Variants in ADAMTSL1 observed in about 807,000 individuals in gnomAD.
The protein encoded by ADAMTSL1 is ADAMTS-like protein 1.
In ADAMTSL1, 126 loss-of-function variants were observed where a neutral mutation model predicts 201.8. The ratio of observed to expected loss-of-function variants is 0.62; its 90% confidence interval spans 0.54 to 0.72. ADAMTSL1 has a LOEUF of 0.72. Among genes scored for constraint, ADAMTSL1 ranks in the 30% least tolerant of loss-of-function variants. ADAMTSL1 has a pLI of 0.00. For synonymous variants in ADAMTSL1, 1,121 were observed against 903.4 expected, an observed-to-expected ratio of 1.24 and a Z score of -4.32; for missense variants, 2,679 against 2,277.8, an observed-to-expected ratio of 1.18 and a Z score of -3.59.
chr9:18,132,190 G>A (rs555557105), intron 1 of ADAMTSL1, among the ~76,000 whole-genome samples: 16 of 152,086 alleles, frequency 1.1e-4, no homozygotes, highest in South Asian at 4.2e-4. Context: ...TGCTGTCCCC[G>A]GGGAAAAAAG....
intron 4 of ADAMTSL1, among the ~76,000 whole-genome samples, chr9:18,580,102 T>C (rs1453053541): frequency 6.6e-6 from 1 of 152,212 alleles, no homozygotes. Flanking sequence ...TGCATATTTA[T>C]AATATTGCTT....
In ADAMTSL1 at chr9:18,289,169, CTAT is replaced by C. The variant is rs1563861575; in HGVS notation, c.207+125189_207+125191del. ...TCTATCTATCTATCTATCTATCTAT[CTAT>C]CTACCTACCTATCTATCTATAGAGA... On this transcript the variant is annotated intron_variant, in intron 2 of 29. Coordinates refer to the ADAMTSL1 transcript ENST00000680146. Among the ~76,000 whole-genome samples, 43 of 106,890 alleles carry C rather than the reference CTAT, an allele frequency of 4.0e-4. 2 individuals are homozygous for C. Among genetic ancestry groups the C allele is most frequent in the East Asian group, 2.0e-3 (9 of 4,598 alleles). The allele number at this position is 106,890 out of a possible 152,430, so 70.1% of individuals were successfully genotyped here. A position where few individuals can be genotyped will look rare whatever the true frequency, so the allele number is the denominator to read the frequency against.
intron 2 of ADAMTSL1, among the ~76,000 whole-genome samples, chr9:18,344,550 A>T (rs1467953998): frequency 6.6e-6 from 1 of 152,180 alleles, no homozygotes; most frequent in Non-Finnish European, 1.5e-5. Context: ...TGAGATTCAC[A>T]AATAGGCTCT....
chr9:18,823,592 CT>C (rs1824348741), intron 21 of ADAMTSL1, among the ~76,000 whole-genome samples: 1 of 152,202 alleles, frequency 6.6e-6, no homozygotes, highest in Non-Finnish European at 1.5e-5. Context: ...TTCTCTCCCC[CT>C]GAGTCTTTGT....
intron 1 of ADAMTSL1, among the ~76,000 whole-genome samples, chr9:17,974,443 A>C (rs1331690751): frequency 6.6e-6 from 1 of 152,050 alleles, no homozygotes; most frequent in Non-Finnish European, 1.5e-5. Context: ...AAATGTAGTC[A>C]CCATGCTGTA....
At chr9:17,953,670 C>T (rs1827821404) in intron 1 of ADAMTSL1, among the ~76,000 whole-genome samples, 2 of 152,142 alleles carry the variant, frequency 1.3e-5, no homozygotes, top group Admixed American at 1.3e-4. Flanking sequence ...AAAGAATAAC[C>T]TTAAAGCTCA....
intron 5 of ADAMTSL1, among the ~76,000 whole-genome samples, chr9:18,629,358 T>C (rs1013173532): frequency 4.6e-5 from 7 of 152,144 alleles, no homozygotes; most frequent in African/African-American, 7.2e-5. Flanking sequence ...TTTCTCACCA[T>C]TGAGTATGAT....
intron 1 of ADAMTSL1, among the ~76,000 whole-genome samples, chr9:17,915,025 G>A (rs1357000181): frequency 1.3e-5 from 2 of 151,946 alleles, no homozygotes; most frequent in African/African-American, 2.4e-5. Context: ...TGCTACTAAG[G>A]ATTTTTATTT....
chr9:18,679,150 C>T (rs1022373377), intron 10 of ADAMTSL1, among the ~76,000 whole-genome samples: 1 of 152,142 alleles, frequency 6.6e-6, no homozygotes, highest in African/African-American at 2.4e-5. Context: ...AGAAATCAAA[C>T]TCACAATGTA....
chr9:18,813,901 G>GA (rs1338293360), intron 20 of ADAMTSL1, among the ~76,000 whole-genome samples: 4 of 152,150 alleles, frequency 2.6e-5, no homozygotes, highest in African/African-American at 9.7e-5. Flanking sequence ...GATCTAAGAG[G>GA]AAAAAATTTC....
chr9:18,308,170 A>C (rs1833980731), intron 2 of ADAMTSL1, among the ~76,000 whole-genome samples: 1 of 152,160 alleles, frequency 6.6e-6, no homozygotes. Flanking sequence ...AATGCACCAG[A>C]ATCTCTGGGA....
chr9:18,433,852 A>G (rs1027114008), intron 2 of ADAMTSL1, among the ~76,000 whole-genome samples: 30 of 152,242 alleles, frequency 2.0e-4, no homozygotes, highest in African/African-American at 6.8e-4. Context: ...ATGTCCTGAC[A>G]TATAGAAAAT....
chr9:17,958,157 C>T (rs533949218), intron 1 of ADAMTSL1, among the ~76,000 whole-genome samples: 3 of 152,290 alleles, frequency 2.0e-5, no homozygotes, highest in African/African-American at 7.2e-5. Flanking sequence ...TCTTTCCATT[C>T]AAACCCTACT....
At chr9:18,188,282 C>T (rs1306884705) in intron 2 of ADAMTSL1, among the ~76,000 whole-genome samples, 7 of 152,156 alleles carry the variant, frequency 4.6e-5, no homozygotes, top group Non-Finnish European at 8.8e-5. Flanking sequence ...CTCAACCCTA[C>T]ACACCGGCAG....
intron 13 of ADAMTSL1, among the ~76,000 whole-genome samples, chr9:18,688,535 G>T (rs1056413772): frequency 6.7e-6 from 1 of 149,736 alleles, no homozygotes; most frequent in Non-Finnish European, 1.5e-5. Context: ...AGGCATGGTG[G>T]TGTGTGCCTA....
intron 13 of ADAMTSL1, among the ~76,000 whole-genome samples, chr9:18,701,895 A>G (rs1330668890): frequency 6.6e-6 from 1 of 152,236 alleles, no homozygotes; most frequent in Non-Finnish European, 1.5e-5. Flanking sequence ...TAATTTTCAC[A>G]TTGTATTACT....
At chr9:18,753,566 G>A (rs991391585) in intron 16 of ADAMTSL1, 58 bp downstream of exon 16, 31 of 1,542,358 alleles carry the variant, frequency 2.0e-5, no homozygotes, top group African/African-American at 9.6e-5. Flanking sequence ...ACTCAAAAAA[G>A]GGATGCTCTC....
chr9:18,508,939 C>A (rs952524656), intron 2 of ADAMTSL1, among the ~76,000 whole-genome samples: 1 of 94,414 alleles, frequency 1.1e-5, no homozygotes, highest in Non-Finnish European at 2.3e-5. Flanking sequence ...AATCCCAGCA[C>A]TTTGGGAGGC....
At chr9:18,673,784 T>A (rs186216656) in intron 9 of ADAMTSL1, among the ~76,000 whole-genome samples, 15 of 152,320 alleles carry the variant, frequency 9.8e-5, no homozygotes, top group Admixed American at 9.8e-4. Context: ...GTAGCATGAA[T>A]AAAGATACTA....
Sources: gnomAD v4.1 joint callset for allele counts (sites outside exome capture counted in the v4.1 genomes callset) on GRCh38, gnomAD v4.1.1 for gene constraint, MANE v1.5 for transcripts, NCBI Gene and HGNC (gene_info 2026-07-23, HGNC 2026-07-21) for gene names.